RBFOX1: variants seen among roughly 807,000 people sequenced by gnomAD.
The protein encoded by RBFOX1 is RNA binding fox-1 homolog 1.
Under a neutral mutation model 57.7 loss-of-function variants are expected in RBFOX1, and 8 were observed. That is an observed-to-expected ratio of 0.14 (90% CI 0.08 to 0.25). The LOEUF (loss-of-function observed/expected upper bound fraction) is 0.25, where lower values mean the gene tolerates loss of function less well. Among genes scored for constraint, RBFOX1 ranks in the 10% least tolerant of loss-of-function variants. The pLI, the probability that RBFOX1 is intolerant of heterozygous loss-of-function variation, is 1.00. For missense variants in RBFOX1, 611 were observed against 548.5 expected (o/e 1.11, Z -1.14); for synonymous variants, 326 against 222.4 (o/e 1.47, Z -4.15).
chr16:5,861,881 C>A (rs991983460), intron 3 of RBFOX1, among the ~76,000 whole-genome samples: 3 of 152,074 alleles, frequency 2.0e-5, no homozygotes, highest in Non-Finnish European at 4.4e-5. Flanking sequence ...AAGAAAAGAC[C>A]ATGCATTCTC....
At chr16:7,264,722 G>A (rs1366824356) in intron 4 of RBFOX1, among the ~76,000 whole-genome samples, 2 of 152,102 alleles carry the variant, frequency 1.3e-5, no homozygotes, top group South Asian at 4.2e-4. Context: ...TTAAAAAAAT[G>A]TAATCAACCA....
At chr16:6,757,846 C>T (rs2076042471) in intron 3 of RBFOX1, among the ~76,000 whole-genome samples, 1 of 152,106 alleles carries the variant, frequency 6.6e-6, no homozygotes, top group East Asian at 1.9e-4. Context: ...GATGGATACC[C>T]CCAATTACCC....
At chr16:5,581,617 G>A (rs1383790118) in intron 2 of RBFOX1, among the ~76,000 whole-genome samples, 1 of 152,242 alleles carries the variant, frequency 6.6e-6, no homozygotes, top group African/African-American at 2.4e-5. Context: ...AGGCTTCCTG[G>A]AGGAGGTGAT....
chr16:5,335,280 A>G (rs974847294), intron 1 of RBFOX1, among the ~76,000 whole-genome samples: 1 of 152,220 alleles, frequency 6.6e-6, no homozygotes, highest in African/African-American at 2.4e-5. Context: ...CATTCATTGC[A>G]TAAAGAGTTT....
intron 1 of RBFOX1, among the ~76,000 whole-genome samples, chr16:6,242,857 A>C (rs2097547362): frequency 6.6e-6 from 1 of 152,084 alleles, no homozygotes; most frequent in Non-Finnish European, 1.5e-5. Context: ...ACTACACTGA[A>C]GGTTGAGTTT....
At chr16:6,892,168 C>G (rs555859527) in intron 3 of RBFOX1, among the ~76,000 whole-genome samples, 12 of 152,122 alleles carry the variant, frequency 7.9e-5, no homozygotes, top group Non-Finnish European at 1.5e-4. Context: ...TGCACCCCTT[C>G]CCTTGGCGAT....
chr16:7,037,149 C>G (rs142380669), intron 3 of RBFOX1, among the ~76,000 whole-genome samples: 6 of 148,668 alleles, frequency 4.0e-5, no homozygotes, highest in Admixed American at 1.3e-4. Context: ...TGTATCTTGT[C>G]TTGTGCTGAC....
At chr16:6,925,748 A>G (rs540646767) in intron 3 of RBFOX1, among the ~76,000 whole-genome samples, 1 of 152,188 alleles carries the variant, frequency 6.6e-6, no homozygotes, top group Non-Finnish European at 1.5e-5. Context: ...AACACAGACA[A>G]GCAAAGAACG....
At chr16:6,666,870 G>C (rs939579968) in intron 3 of RBFOX1, among the ~76,000 whole-genome samples, 2 of 152,028 alleles carry the variant, frequency 1.3e-5, no homozygotes, top group African/African-American at 4.8e-5. Flanking sequence ...GTATTATCTC[G>C]GGGTCCTCAA....
intron 3 of RBFOX1, among the ~76,000 whole-genome samples, chr16:5,758,130 A>C (rs2053464767): frequency 6.6e-6 from 1 of 152,224 alleles, no homozygotes; most frequent in East Asian, 1.9e-4. Context: ...AGCAAATGTT[A>C]AATTGAGCCA....
chr16:6,759,932 T>C (rs1458555453), intron 3 of RBFOX1, among the ~76,000 whole-genome samples: 1 of 152,174 alleles, frequency 6.6e-6, no homozygotes, highest in African/African-American at 2.4e-5. Flanking sequence ...TTATTAATCA[T>C]TTATCAAATA....
chr16:7,381,376 A>G (rs8057663), intron 4 of RBFOX1, among the ~76,000 whole-genome samples: 13,504 of 152,214 alleles, frequency 0.089, 657 homozygotes, highest in East Asian at 0.19. Flanking sequence ...AGAAAACCAT[A>G]TTTGAAATTT....
Position 6,967,582 on chromosome 16 carries a change from C to G in RBFOX1, c.-15-84475C>G, listed in dbSNP as rs543187809. 2.0e-4 allele frequency among the ~76,000 whole-genome samples: 31 copies of G among 152,206 alleles called. No homozygotes were observed. The South Asian group carries it at 4.8e-3, about 23-fold the overall frequency. ...TCTCCTACACCTCTTTACATGTCAT[C>G]AGCTTCTCTAGTTCACCCTGCCCCT... On this transcript the variant is annotated intron_variant, in intron 3 of 15. Transcript: ENST00000550418.
intron 11 of RBFOX1, among the ~76,000 whole-genome samples, chr16:7,648,225 ATTTATTTTT>A (rs961269422): frequency 1.3e-5 from 2 of 151,990 alleles, no homozygotes; most frequent in African/African-American, 4.8e-5. Context: ...TTATTTATTT[ATTTATTTTT>A]TTTGAGACTG....
intron 1 of RBFOX1, among the ~76,000 whole-genome samples, chr16:6,168,679 C>G (rs913845867): frequency 4.6e-5 from 7 of 152,162 alleles, no homozygotes; most frequent in African/African-American, 1.7e-4. Context: ...TTTCTCTCAC[C>G]TCTGCCACTC....
intron 1 of RBFOX1, among the ~76,000 whole-genome samples, chr16:5,361,926 A>C (rs942997636): frequency 6.6e-6 from 1 of 152,240 alleles, no homozygotes; most frequent in African/African-American, 2.4e-5. Flanking sequence ...AATGGTTTGG[A>C]CAGCAGGCAG....
intron 3 of RBFOX1, among the ~76,000 whole-genome samples, chr16:6,688,478 G>C (rs190552757): frequency 2.0e-4 from 30 of 152,196 alleles, no homozygotes; most frequent in Admixed American, 1.3e-3. Context: ...AACAGCAGTG[G>C]GGATTTTCAT....
intron 1 of RBFOX1, among the ~76,000 whole-genome samples, chr16:6,231,280 C>T (rs1254759856): frequency 1.3e-5 from 2 of 150,216 alleles, no homozygotes; most frequent in Admixed American, 1.3e-4. Flanking sequence ...CCAACAGGTA[C>T]CGAATTTAGT....
chr16:6,585,001 G>T (rs768263804), intron 2 of RBFOX1, among the ~76,000 whole-genome samples: 2 of 152,172 alleles, frequency 1.3e-5, no homozygotes, highest in Non-Finnish European at 2.9e-5. Context: ...AACCAAAGCT[G>T]CAGGCAAGCG....
Sources: gnomAD v4.1 joint callset for allele counts (sites outside exome capture counted in the v4.1 genomes callset) on GRCh38, gnomAD v4.1.1 for gene constraint, MANE v1.5 for transcripts, NCBI Gene and HGNC (gene_info 2026-07-23, HGNC 2026-07-21) for gene names.